PTPRC: variants seen among roughly 807,000 people sequenced by gnomAD.
The protein encoded by PTPRC is protein tyrosine phosphatase receptor type C, also known as receptor-type tyrosine-protein phosphatase C.
PTPRC carries 44 observed loss-of-function variants against 155.9 expected under a neutral mutation model. The observed-to-expected ratio is 0.28, with a 90% CI of 0.22 to 0.36. The LOEUF is 0.36. Among genes scored for constraint, PTPRC ranks in the 10% least tolerant of loss-of-function variants. The probability of loss-of-function intolerance (pLI) is 1.00; values close to 1 mark genes in which losing one functional copy is unlikely to be tolerated. For missense variants in PTPRC, 1,401 were observed against 1,564.6 expected (o/e 0.90, Z 1.76); for synonymous variants, 525 against 533.1 (o/e 0.98, Z 0.21).
chr1:198,742,747 A>T (rs1271112548), intron 25 of PTPRC, among the ~76,000 whole-genome samples: 1 of 151,888 alleles, frequency 6.6e-6, no homozygotes, highest in Admixed American at 6.6e-5. Flanking sequence ...ACAGGTTTCA[A>T]ATCTTGCTTT....
chr1:198,700,885 G>A (rs568930942), intron 5 of PTPRC, among the ~76,000 whole-genome samples: 27 of 152,330 alleles, frequency 1.8e-4, no homozygotes, highest in African/African-American at 6.3e-4. Context: ...AGGAGGGAAG[G>A]TAGGAAGTTT....
intron 2 of PTPRC, among the ~76,000 whole-genome samples, chr1:198,659,369 G>A (rs964240021): frequency 2.0e-5 from 3 of 152,106 alleles, no homozygotes; most frequent in Non-Finnish European, 4.4e-5. Context: ...AGACAAATTT[G>A]TGGAAAAGAT....
intron 2 of PTPRC, among the ~76,000 whole-genome samples, chr1:198,675,581 C>T (rs769677262): frequency 3.3e-5 from 5 of 152,032 alleles, no homozygotes; most frequent in African/African-American, 7.2e-5. Context: ...ATGATCAACC[C>T]AAATGTGCTC....
chr1:198,714,033 A>G (rs929140264), intron 12 of PTPRC, among the ~76,000 whole-genome samples: 1 of 152,236 alleles, frequency 6.6e-6, no homozygotes, highest in Non-Finnish European at 1.5e-5. Flanking sequence ...GAAAATAAAT[A>G]TATACTATAT....
intron 2 of PTPRC, among the ~76,000 whole-genome samples, chr1:198,656,935 GA>G (rs979803037): frequency 6.7e-6 from 1 of 149,896 alleles, no homozygotes; most frequent in Non-Finnish European, 1.5e-5. Flanking sequence ...ATTAGTGTAG[GA>G]AAAAAAATCA....
At chr1:198,656,868 A>G (rs1663611100) in intron 2 of PTPRC, among the ~76,000 whole-genome samples, 1 of 151,718 alleles carries the variant, frequency 6.6e-6, no homozygotes, top group African/African-American at 2.4e-5. Flanking sequence ...GTGACTAGAA[A>G]TTGTTTAAGT....
intron 2 of PTPRC, among the ~76,000 whole-genome samples, chr1:198,649,724 T>A (rs1341402005): frequency 6.6e-6 from 1 of 151,842 alleles, no homozygotes; most frequent in Non-Finnish European, 1.5e-5. Context: ...GATTCATCAA[T>A]TGTTTATAGA....
chr1:198,651,913 G>T (rs1303809741), intron 2 of PTPRC, among the ~76,000 whole-genome samples: 2 of 151,682 alleles, frequency 1.3e-5, no homozygotes, highest in Non-Finnish European at 2.9e-5. Flanking sequence ...ATGCACACCA[G>T]GCTATTCAGC....
chr1:198,716,901 T>G (rs911108567), intron 13 of PTPRC, 61 bp downstream of exon 13: 20 of 1,475,302 alleles, frequency 1.4e-5, no homozygotes, highest in Non-Finnish European at 1.8e-5. Flanking sequence ...ATGAACTTTT[T>G]AGCCTACAAT....
intron 2 of PTPRC, among the ~76,000 whole-genome samples, chr1:198,668,824 A>C (rs1392914560): frequency 6.6e-6 from 1 of 152,188 alleles, no homozygotes; most frequent in Non-Finnish European, 1.5e-5. Context: ...ATTAGTCTTT[A>C]GGTGAATAGA....
intron 2 of PTPRC, among the ~76,000 whole-genome samples, chr1:198,685,559 A>C (rs1436649016): frequency 6.6e-6 from 1 of 151,998 alleles, no homozygotes; most frequent in African/African-American, 2.4e-5. Flanking sequence ...TTACTCCATA[A>C]ATACTTAATA....
chr1:198,745,878 T>C (rs981681612), intron 26 of PTPRC, among the ~76,000 whole-genome samples: 1 of 151,790 alleles, frequency 6.6e-6, no homozygotes, highest in Non-Finnish European at 1.5e-5. Flanking sequence ...GAGACTTTGA[T>C]AGAATTACAG....
intron 2 of PTPRC, among the ~76,000 whole-genome samples, chr1:198,654,443 A>G (rs185845380): frequency 6.6e-6 from 1 of 152,024 alleles, no homozygotes; most frequent in East Asian, 1.9e-4. Context: ...TAGGGATTAT[A>G]TGGTACACGA....
At chr1:198,648,383 TG>T (rs748563312) in intron 2 of PTPRC, among the ~76,000 whole-genome samples, 20 of 151,388 alleles carry the variant, frequency 1.3e-4, no homozygotes, top group Non-Finnish European at 2.5e-4. Context: ...TTGTAGGGGG[TG>T]GGGTGAAGGC....
chr1:198,679,148 G>T, intron 2 of PTPRC: 1 of 211,006 alleles, frequency 4.7e-6, no homozygotes, highest in Non-Finnish European at 1.0e-5. Context: ...TTCCCAGACA[G>T]CTGCTCCTGC....
chr1:198,702,324 A>C, intron 5 of PTPRC, 63 bp from the exon 6 acceptor site: 2 of 1,605,772 alleles, frequency 1.2e-6, no homozygotes, highest in Non-Finnish European at 1.7e-6. Context: ...TATGTTGGCT[A>C]TCTGGCTATT....
At chr1:198,662,241 A>G (rs564586367) in intron 2 of PTPRC, among the ~76,000 whole-genome samples, 9 of 152,336 alleles carry the variant, frequency 5.9e-5, no homozygotes, top group Middle Eastern at 3.4e-3. Flanking sequence ...GCTATGTTTA[A>G]TGCATACATT....
At chr1:198,714,448 CTAAA>C (rs919690029) in intron 12 of PTPRC, among the ~76,000 whole-genome samples, 107 of 152,214 alleles carry the variant, frequency 7.0e-4, no homozygotes, top group African/African-American at 2.5e-3. Context: ...TATTGGGCAA[CTAAA>C]TAGTGTTACC....
At chr1:198,674,026 A>G (rs781738703) in intron 2 of PTPRC, among the ~76,000 whole-genome samples, 92 of 152,264 alleles carry the variant, frequency 6.0e-4, no homozygotes, top group Non-Finnish European at 1.0e-3. Flanking sequence ...TTTGTACAGC[A>G]TAAAGCAGCA....
Sources: allele counts gnomAD v4.1 joint callset (sites outside exome capture counted in the v4.1 genomes callset), GRCh38; gene constraint gnomAD v4.1.1; transcripts MANE v1.5; gene names NCBI Gene and HGNC (gene_info 2026-07-23, HGNC 2026-07-21).